SETD3: variants seen among roughly 807,000 people sequenced by gnomAD.
SETD3 encodes the protein SET domain containing 3, actin N3(tau)-histidine methyltransferase.
A neutral mutation model predicts 63.0 loss-of-function variants in SETD3; 19 were observed. The observed-to-expected ratio is 0.30, with a 90% CI of 0.21 to 0.44. The LOEUF is 0.44. Among genes scored for constraint, SETD3 ranks in the 20% least tolerant of loss-of-function variants. The probability of loss-of-function intolerance (pLI) is 1.00; values close to 1 mark genes in which losing one functional copy is unlikely to be tolerated. For missense variants in SETD3, 587 were observed against 728.5 expected (o/e 0.81, Z 2.24); for synonymous variants, 286 against 264.1 (o/e 1.08, Z -0.80).
chr14:99,441,035 G>A (rs542980354), intron 6 of SETD3, among the ~76,000 whole-genome samples: 3 of 152,262 alleles, frequency 2.0e-5, no homozygotes, highest in Non-Finnish European at 2.9e-5. Context: ...TCACACCCTC[G>A]ACAATCCTCA....
chr14:99,455,892 C>T (rs997895412), intron 6 of SETD3, among the ~76,000 whole-genome samples: 1 of 152,252 alleles, frequency 6.6e-6, no homozygotes, highest in Non-Finnish European at 1.5e-5. Context: ...AGGCGGTTCA[C>T]GCCTGTAATC....
chr14:99,452,523 G>A (rs564125792), intron 6 of SETD3, among the ~76,000 whole-genome samples: 1 of 152,158 alleles, frequency 6.6e-6, no homozygotes, highest in Non-Finnish European at 1.5e-5. Flanking sequence ...CAGAGCACAG[G>A]AAATTATTTT....
At chr14:99,474,045 G>T (rs748966175) in intron 1 of SETD3, among the ~76,000 whole-genome samples, 14 of 152,176 alleles carry the variant, frequency 9.2e-5, no homozygotes, top group Non-Finnish European at 1.6e-4. Context: ...ACTGGGCCAG[G>T]GGCAGTGGCT....
intron 6 of SETD3, among the ~76,000 whole-genome samples, chr14:99,454,836 A>G (rs1316548926): frequency 6.6e-6 from 1 of 152,168 alleles, no homozygotes; most frequent in East Asian, 1.9e-4. Context: ...ACCACACTGC[A>G]CTTGCTGAGG....
At chr14:99,454,204 T>G (rs1368996945) in intron 6 of SETD3, among the ~76,000 whole-genome samples, 2 of 152,210 alleles carry the variant, frequency 1.3e-5, no homozygotes, top group Admixed American at 6.5e-5. Context: ...ATGCTTTTTT[T>G]TTTTAGATGG....
At chr14:99,431,342 C>T (rs916772759) in intron 6 of SETD3, among the ~76,000 whole-genome samples, 12 of 152,190 alleles carry the variant, frequency 7.9e-5, no homozygotes, top group Non-Finnish European at 1.6e-4. Context: ...ACCTGCCACC[C>T]CTTTGTGATT....
chr14:99,485,956 A>G, the SETD3 span, among the ~76,000 whole-genome samples: 5 of 152,332 alleles, frequency 3.3e-5, no homozygotes, highest in South Asian at 1.0e-3. Flanking sequence ...CACTTCTAAA[A>G]ATGTTATTTT....
At chr14:99,458,206 A>G (rs1415943458) in intron 6 of SETD3, 73 bp downstream of exon 6, 5 of 1,478,870 alleles carry the variant, frequency 3.4e-6, no homozygotes, top group Non-Finnish European at 4.6e-6. Context: ...ATCAAATGGA[A>G]TATTTATGGA....
chr14:99,413,142 T>C (rs1892096990), intron 7 of SETD3, 77 bp from the exon 8 acceptor site: 1 of 808,536 alleles, frequency 1.2e-6, no homozygotes, highest in Non-Finnish European at 2.1e-6. Context: ...TAACCAAAAA[T>C]TTAGGTTTGA....
At chr14:99,467,490 T>C (rs923398808) in intron 1 of SETD3, among the ~76,000 whole-genome samples, 8 of 152,214 alleles carry the variant, frequency 5.3e-5, no homozygotes, top group African/African-American at 1.9e-4. Flanking sequence ...AGGCTTCCCA[T>C]ATCTGCGGAG....
At position 99,406,515 on chromosome 14, in the gene SETD3, C is replaced by T; in HGVS notation, c.924+1G>A. On this transcript the variant is annotated splice_donor_variant, in intron 9 of 12. Transcript: ENST00000331768. LOFTEE classifies it high-confidence loss of function. Reference sequence around the variant, plus strand: ...ATTTTGTGAGATGCCACGAGACCCACCTGCTCTCCAGCCCGAAAATCCTGC... The same window carrying T: ...ATTTTGTGAGATGCCACGAGACCCATCTGCTCTCCAGCCCGAAAATCCTGC... 1 of 1,614,158 alleles carries T rather than the reference C, an allele frequency of 6.2e-7. No homozygotes were observed. The highest frequency in any genetic ancestry group is 2.2e-5 in the East Asian group (1 of 44,884).
At chr14:99,474,214 A>T (rs1331955520) in intron 1 of SETD3, among the ~76,000 whole-genome samples, 1 of 152,190 alleles carries the variant, frequency 6.6e-6, no homozygotes, top group South Asian at 2.1e-4. Context: ...AATCCCAGCT[A>T]CTTAGGAGGC....
At chr14:99,421,716 A>G (rs1264470049) in intron 6 of SETD3, among the ~76,000 whole-genome samples, 1 of 152,134 alleles carries the variant, frequency 6.6e-6, no homozygotes, top group Non-Finnish European at 1.5e-5. Context: ...ATTCCTATGA[A>G]ATGGCACTTA....
At chr14:99,404,388 C>T (rs1245404715) in intron 10 of SETD3, 78 bp from the exon 11 acceptor site, 18 of 1,284,096 alleles carry the variant, frequency 1.4e-5, no homozygotes, top group Admixed American at 5.1e-5. Context: ...CTTAAGTCTA[C>T]AGCACGTGTG....
At chr14:99,467,300 T>C (rs542860275) in intron 1 of SETD3, among the ~76,000 whole-genome samples, 16 of 152,334 alleles carry the variant, frequency 1.1e-4, no homozygotes, top group African/African-American at 3.8e-4. Flanking sequence ...ATTTTTTTTC[T>C]GTGATCAAAA....
chr14:99,399,586 T>G (rs58109363), intron 12 of SETD3, among the ~76,000 whole-genome samples: 6,176 of 152,204 alleles, frequency 0.041, 404 homozygotes, highest in African/African-American at 0.14. Context: ...ACGTGAATTA[T>G]AAATTATAAA....
At chr14:99,473,757 T>C (rs1302958126) in intron 1 of SETD3, among the ~76,000 whole-genome samples, 2 of 152,338 alleles carry the variant, frequency 1.3e-5, no homozygotes, top group East Asian at 3.9e-4. Context: ...CAGGATCAGA[T>C]TACTACATTC....
At chr14:99,471,104 C>T (rs1895678419) in intron 1 of SETD3, among the ~76,000 whole-genome samples, 1 of 152,200 alleles carries the variant, frequency 6.6e-6, no homozygotes, top group Admixed American at 6.5e-5. Context: ...TGTGACCTCA[C>T]CCACTGCAGT....
intron 6 of SETD3, among the ~76,000 whole-genome samples, chr14:99,438,203 G>A (rs1459955922): frequency 1.3e-5 from 2 of 152,164 alleles, no homozygotes; most frequent in Admixed American, 6.5e-5. Flanking sequence ...ACAGCTTTTC[G>A]TTCAGACATG....
Sources: gnomAD v4.1 joint callset for allele counts (sites outside exome capture counted in the v4.1 genomes callset) on GRCh38, gnomAD v4.1.1 for gene constraint, MANE v1.5 for transcripts, NCBI Gene and HGNC (gene_info 2026-07-23, HGNC 2026-07-21) for gene names.